The following ABCA13 variants were observed in gnomAD, a reference collection of about 807,000 sequenced individuals.
ABCA13 encodes ATP binding cassette subfamily A member 13.
A neutral mutation model predicts 478.7 loss-of-function variants in ABCA13; 476 were observed. That is an observed-to-expected ratio of 0.99 (90% CI 0.92 to 1.07). The LOEUF (loss-of-function observed/expected upper bound fraction) is 1.07, where lower values mean the gene tolerates loss of function less well. Ranked by LOEUF, ABCA13 falls within the 50% of genes least tolerant of loss-of-function variation. The pLI is 0.00. For synonymous variants in ABCA13, 2,252 were observed against 2,158.9 expected, an observed-to-expected ratio of 1.04 and a Z score of -1.20; for missense variants, 6,060 against 5,910.6, an observed-to-expected ratio of 1.03 and a Z score of -0.83.
chr7:48,297,786 C>CTTTTTTTTT (rs11393352), intron 22 of ABCA13, among the ~76,000 whole-genome samples: 1 of 142,002 alleles, frequency 7.0e-6, no homozygotes. Context: ...TTCTTTCTTT[C>CTTTTTTTTT]TTTTTTTTTT....
At chr7:48,526,865 G>A (rs1009076702) in intron 54 of ABCA13, among the ~76,000 whole-genome samples, 1 of 152,146 alleles carries the variant, frequency 6.6e-6, no homozygotes, top group African/African-American at 2.4e-5. Context: ...TCATAAGCAT[G>A]TACTATGTTA....
At chr7:48,201,961 A>T (rs6583457) in intron 3 of ABCA13, among the ~76,000 whole-genome samples, 46 of 151,362 alleles carry the variant, frequency 3.0e-4, no homozygotes, top group South Asian at 3.0e-3. Context: ...GCAGACCTTC[A>T]CGGTGAGTGT....
At chr7:48,320,785 G>T (rs1251304920) in intron 27 of ABCA13, among the ~76,000 whole-genome samples, 1 of 152,168 alleles carries the variant, frequency 6.6e-6, no homozygotes, top group African/African-American at 2.4e-5. Flanking sequence ...GCTTCTAAGG[G>T]ACGTATAAGC....
chr7:48,442,346 G>A (rs1278850308), intron 42 of ABCA13, among the ~76,000 whole-genome samples: 1 of 152,090 alleles, frequency 6.6e-6, no homozygotes, highest in African/African-American at 2.4e-5. Flanking sequence ...TCTAAACTGA[G>A]GTTTAGAGAT....
At chr7:48,306,038 A>G (rs1800851168) in intron 23 of ABCA13, among the ~76,000 whole-genome samples, 1 of 152,214 alleles carries the variant, frequency 6.6e-6, no homozygotes, top group African/African-American at 2.4e-5. Flanking sequence ...TGCTTTTCTA[A>G]TCTTCCTCCC....
chr7:48,211,689 G>T (rs1322066098), intron 3 of ABCA13, among the ~76,000 whole-genome samples: 1 of 152,082 alleles, frequency 6.6e-6, no homozygotes, highest in African/African-American at 2.4e-5. Flanking sequence ...GGCCAATCCT[G>T]CTGGGACTGG....
At position 48,645,083 on chromosome 7, in the gene ABCA13, A is replaced by T. The variant is rs577523607; in HGVS notation, c.15081+329A>T. 2.0e-5 allele frequency among the ~76,000 whole-genome samples: 3 copies of T among 152,324 alleles called. No homozygotes were observed. In the South Asian group the frequency reaches 6.2e-4, roughly 32 times the overall value. On this transcript the variant is annotated intron_variant, in intron 61 of 61. Transcript: ENST00000435803. ...GGGGGGGCTTCACTGTAATCAAATG[A>T]TAGCTAACTTCTGGGGAAACAAAAA...
In ABCA13 at chr7:48,352,182, T is replaced by C; in HGVS notation, c.10383T>C (p.Ser3461=). The C allele has an allele frequency of 6.2e-7, 1 of 1,602,372 alleles. No individual in the cohort carries two copies. The highest frequency in any genetic ancestry group is 2.2e-5 in the East Asian group (1 of 44,672). ...TCGTTTTTCCTTTTCTGCCACTAGG[T>C]ATCATTTTCAGCAATTCCTTATTCG... ...ELLQQNSFLA[S]IIFSNSLFDK... Residue 3461 remains serine (S), a splice_region_variant and synonymous_variant, in exon 31 of 62, where the codon AGT becomes AGC. Coordinates refer to ENST00000435803, the MANE Select transcript of ABCA13 (RefSeq NM_152701.5).
Position 48,314,426 on chromosome 7 carries a change from A to G in ABCA13, c.9859+17A>G. ...AAGATTCAAGTAAGACAGTAGTAAT[A>G]TATATATATGTGTTTAGATTCGTTT... On this transcript the variant is annotated intron_variant, in intron 26 of 61. Transcript: ENST00000435803. 6.5e-7 allele frequency: 1 copy of G among 1,541,032 alleles called. No individual in the cohort carries two copies. Among genetic ancestry groups the G allele is most frequent in the East Asian group, 2.4e-5 (1 of 42,340 alleles).
intron 6 of ABCA13, among the ~76,000 whole-genome samples, chr7:48,228,204 C>A (rs1486997232): frequency 6.6e-6 from 1 of 152,192 alleles, no homozygotes; most frequent in African/African-American, 2.4e-5. Flanking sequence ...ACAAAAAGGG[C>A]CCTGTCCTGG....
intron 15 of ABCA13, among the ~76,000 whole-genome samples, chr7:48,263,550 G>A (rs981165528): frequency 4.6e-5 from 7 of 151,802 alleles, no homozygotes; most frequent in African/African-American, 1.7e-4. Flanking sequence ...TCTTTACTGA[G>A]TTCTTATGAA....
chr7:48,571,366 C>G (rs996260907), intron 55 of ABCA13, among the ~76,000 whole-genome samples: 1 of 152,104 alleles, frequency 6.6e-6, no homozygotes, highest in African/African-American at 2.4e-5. Flanking sequence ...TGAGGCAGTT[C>G]CACTGTCAAC....
rs1324253983 is a variant in ABCA13 at position 48,348,828 on chromosome 7, G to A, written c.10205-1815G>A. On this transcript the variant is annotated intron_variant, in intron 29 of 61. Coordinates refer to ENST00000435803, the MANE Select transcript of ABCA13 (RefSeq NM_152701.5). ...CAAGAACCCAATTCTTTGAATTCTG[G>A]ATCATGTAATTCTTCTACTATGTGT... 2.0e-5 allele frequency among the ~76,000 whole-genome samples: 3 copies of A among 152,262 alleles called. No individual in the cohort carries two copies. In the East Asian group the frequency reaches 5.8e-4, roughly 29 times the overall value.
At chr7:48,366,582 G>T (rs1326442685) in intron 31 of ABCA13, among the ~76,000 whole-genome samples, 1 of 152,082 alleles carries the variant, frequency 6.6e-6, no homozygotes, top group African/African-American at 2.4e-5. Flanking sequence ...TCTGCTGAGG[G>T]TGTCATGCCA....
At chr7:48,441,114 TCAA>T (rs1563261740) in intron 42 of ABCA13, among the ~76,000 whole-genome samples, 8 of 152,018 alleles carry the variant, frequency 5.3e-5, no homozygotes, top group Non-Finnish European at 1.2e-4. Context: ...ATTATATTCT[TCAA>T]ATTCCTCCTA....
intron 27 of ABCA13, among the ~76,000 whole-genome samples, chr7:48,327,942 C>A (rs995797398): frequency 6.6e-6 from 1 of 152,140 alleles, no homozygotes; most frequent in Non-Finnish European, 1.5e-5. Flanking sequence ...ACAGCTTGGC[C>A]ATCAACACAG....
chr7:48,368,714 T>TATATATATATATAC (rs1455176603), intron 32 of ABCA13, among the ~76,000 whole-genome samples: 2 of 118,562 alleles, frequency 1.7e-5, no homozygotes, highest in African/African-American at 6.0e-5. Context: ...TATATATATA[T>TATATATATATATAC]ACACATACAC....
chr7:48,555,556 T>G lies in ABCA13; in HGVS notation c.14355-24668T>G, dbSNP rs535126784. ...GAATTTCTTCATGGTTCAATCTTGG[T>G]AGGTTGTATGTGTCTAGGAATTTAT... is the stretch of plus-strand genomic sequence containing the variant. On this transcript the variant is annotated intron_variant, in intron 55 of 61. Transcript: ENST00000435803. 3.9e-4 allele frequency among the ~76,000 whole-genome samples: 59 copies of G among 151,978 alleles called. 1 individual carries two copies. The highest frequency in any genetic ancestry group is 6.8e-4 in the Non-Finnish European group (46 of 67,786).
chr7:48,416,598 C>A (rs1242528710), intron 41 of ABCA13, among the ~76,000 whole-genome samples: 2 of 152,126 alleles, frequency 1.3e-5, no homozygotes, highest in Non-Finnish European at 2.9e-5. Context: ...GACATTTGTT[C>A]TGCTTGATAG....
Sources: gnomAD v4.1 joint callset for allele counts (sites outside exome capture counted in the v4.1 genomes callset) on GRCh38, gnomAD v4.1.1 for gene constraint, MANE v1.5 for transcripts, NCBI Gene and HGNC (gene_info 2026-07-23, HGNC 2026-07-21) for gene names.